CD53: variants seen among roughly 807,000 people sequenced by gnomAD.
CD53 encodes CD53 molecule.
CD53 carries 20 observed loss-of-function variants against 27.3 expected under a neutral mutation model. That is an observed-to-expected ratio of 0.73 (90% CI 0.52 to 1.07). The LOEUF is 1.07. Ranked by LOEUF, CD53 falls within the 50% of genes least tolerant of loss-of-function variation. The pLI is 0.00. For synonymous variants in CD53, 106 were observed against 105.3 expected (o/e 1.01, Z -0.04); for missense variants, 216 against 264.0 (o/e 0.82, Z 1.26).
intron 3 of CD53, chr1:110,892,787 T>C (rs555852675): frequency 1.2e-5 from 5 of 418,940 alleles, no homozygotes; most frequent in African/African-American, 4.1e-5. Flanking sequence ...TTTGTCATTA[T>C]TGTAATTCCC....
chr1:110,888,277 C>T (rs1042771782), intron 1 of CD53, among the ~76,000 whole-genome samples: 11 of 152,134 alleles, frequency 7.2e-5, no homozygotes, highest in Non-Finnish European at 5.9e-5. Context: ...TGCAAGCACC[C>T]GCTGCGAATC....
At chr1:110,885,737 G>A (rs4839578) in intron 1 of CD53, among the ~76,000 whole-genome samples, 1 of 151,354 alleles carries the variant, frequency 6.6e-6, no homozygotes, top group Non-Finnish European at 1.5e-5. Flanking sequence ...GGTGGTGCAT[G>A]CCTGTAATCC....
intron 1 of CD53, among the ~76,000 whole-genome samples, chr1:110,889,004 A>G (rs1222104743): frequency 6.6e-6 from 1 of 152,192 alleles, no homozygotes; most frequent in African/African-American, 2.4e-5. Context: ...GGGACTTGAC[A>G]TATTTTATCT....
At position 110,891,378 on chromosome 1, in the gene CD53, T is replaced by A; in HGVS notation, c.-17-14T>A. 6.3e-7 allele frequency: 1 copy of A among 1,579,472 alleles called. No homozygotes were observed. Among genetic ancestry groups the A allele is most frequent in the Non-Finnish European group, 8.7e-7 (1 of 1,148,392 alleles). On this transcript the variant is annotated splice_polypyrimidine_tract_variant and intron_variant, in intron 1 of 7. Transcript: ENST00000271324. ...AGAGTGAGGTAACTTACTTTCTTCT[T>A]CCTTATTCCTTAGGGCAAGAATATC...
In CD53 at chr1:110,897,843, C is replaced by T; in HGVS notation, c.539C>T (p.Ser180Phe). 6.2e-7 allele frequency: 1 copy of T among 1,612,376 alleles called. No homozygotes were observed. Among genetic ancestry groups the T allele is most frequent in the Non-Finnish European group, 8.5e-7 (1 of 1,178,692 alleles). The change falls in exon 7 of 8, where the codon TCC becomes TTC. Residue 180 changes from serine (S) to phenylalanine (F), a missense_variant. Coordinates refer to ENST00000271324, the MANE Select transcript of CD53 (RefSeq NM_000560.4). ...CYAKARLWFH[S>F]NFLYIGIITI... ...GCGAAAGCAAGACTGTGGTTTCATTCCAATTTCCTGTATATCGGAATCATC... is the reference window on the plus strand; with the variant it reads ...GCGAAAGCAAGACTGTGGTTTCATTTCAATTTCCTGTATATCGGAATCATC...
intron 1 of CD53, among the ~76,000 whole-genome samples, chr1:110,885,321 C>A (rs1389545769): frequency 6.6e-6 from 1 of 152,114 alleles, no homozygotes; most frequent in African/African-American, 2.4e-5. Context: ...GAGGCCGAGG[C>A]GGGCGGATCA....
intron 1 of CD53, among the ~76,000 whole-genome samples, chr1:110,887,826 G>C (rs997164249): frequency 3.3e-5 from 5 of 152,194 alleles, no homozygotes; most frequent in African/African-American, 1.2e-4. Flanking sequence ...TCAGGACTCA[G>C]CTAAATTCTT....
chr1:110,892,453 A>T lies in CD53; in HGVS notation c.172A>T (p.Ile58Phe), dbSNP rs1656892251. 5 of 1,614,098 alleles carry T rather than the reference A, an allele frequency of 3.1e-6. No homozygotes were observed. Among genetic ancestry groups the T allele is most frequent in the Non-Finnish European group, 3.4e-6 (4 of 1,180,006 alleles). Residue 58 changes from isoleucine (I) to phenylalanine (F), a missense_variant, in exon 3 of 8, where the codon ATC becomes TTC. Physicochemically the swap from Ile to Phe is conservative, Grantham distance 21. Transcript: ENST00000271324. ...PSLTLGNVFV[I>F]VGSIIMVVAF... The stretch of plus-strand genomic sequence containing the variant: ...CCTCACGCTGGGCAATGTGTTTGTC[A>T]TCGTGGGCTCTATTATCATGGTAGT...
rs1307152795 is a variant in CD53, at chr1:110,899,631, G to C, written c.*436G>C. ...GGGAGTTCTGGGGCCAGGCTCACTG[G>C]ACCATTGTCACAACCCTCTGTTTCT... On this transcript the variant is annotated 3_prime_UTR_variant, in exon 8 of 8. Coordinates refer to ENST00000271324, the MANE Select transcript of CD53 (RefSeq NM_000560.4). 2 of 168,246 alleles carry C rather than the reference G, an allele frequency of 1.2e-5. No homozygotes were observed. Among genetic ancestry groups the C allele is most frequent in the African/African-American group, 4.8e-5 (2 of 41,560 alleles). 10.4% of individuals were successfully genotyped at this position (168,246 alleles called of 1,614,324 possible).
intron 1 of CD53, among the ~76,000 whole-genome samples, chr1:110,883,087 CA>C (rs1156544864): frequency 6.6e-6 from 1 of 151,916 alleles, no homozygotes; most frequent in Non-Finnish European, 1.5e-5. Context: ...AACTCCAGTA[CA>C]ATGCCAAATA....
chr1:110,883,591 T>G (rs761722512), intron 1 of CD53, among the ~76,000 whole-genome samples: 2 of 152,004 alleles, frequency 1.3e-5, no homozygotes, highest in Non-Finnish European at 2.9e-5. Flanking sequence ...CCTCCTTTTC[T>G]ATTTTCTGGA....
intron 5 of CD53, 142 bp downstream of exon 5, chr1:110,895,197 A>C: frequency 1.5e-6 from 1 of 647,830 alleles, no homozygotes; most frequent in Non-Finnish European, 2.8e-6. Context: ...TGGCTATCAC[A>C]AACATGGGAG....
intron 1 of CD53, among the ~76,000 whole-genome samples, chr1:110,877,041 A>G (rs1418332611): frequency 6.6e-6 from 1 of 152,204 alleles, no homozygotes; most frequent in Non-Finnish European, 1.5e-5. Context: ...AATATAATTA[A>G]CAATCTATGT....
intron 3 of CD53, 78 bp from the exon 4 acceptor site, chr1:110,894,249 C>A: frequency 7.7e-7 from 1 of 1,291,280 alleles, no homozygotes; most frequent in South Asian, 1.2e-5. Context: ...GCAAATGCCC[C>A]TGGATGCTCC....
chr1:110,896,544 C>A, intron 5 of CD53, 109 bp from the exon 6 acceptor site: 1 of 976,390 alleles, frequency 1.0e-6, no homozygotes, highest in Non-Finnish European at 1.6e-6. Flanking sequence ...CAATTCTGGA[C>A]TTCTGCTATA....
At chr1:110,896,930 A>G (rs1046938700) in intron 6 of CD53, among the ~76,000 whole-genome samples, 197 bp downstream of exon 6, 1 of 152,238 alleles carries the variant, frequency 6.6e-6, no homozygotes, top group Non-Finnish European at 1.5e-5. Context: ...GACTAGAGAC[A>G]CTGTGATTGA....
chr1:110,892,656 C>T, intron 3 of CD53, 123 bp downstream of exon 3: 1 of 821,456 alleles, frequency 1.2e-6, no homozygotes, highest in African/African-American at 1.7e-5. Context: ...AGATTGGTAC[C>T]TCAGATCAGC....
At chr1:110,882,523 TC>T (rs1656398848) in intron 1 of CD53, among the ~76,000 whole-genome samples, 1 of 152,096 alleles carries the variant, frequency 6.6e-6, no homozygotes, top group East Asian at 1.9e-4. Flanking sequence ...CCAATTTTGT[TC>T]TTTATCAAAC....
intron 1 of CD53, among the ~76,000 whole-genome samples, chr1:110,886,839 T>G (rs937297125): frequency 4.1e-5 from 4 of 98,396 alleles, no homozygotes; most frequent in Non-Finnish European, 9.2e-5. Context: ...AGCGAGACTC[T>G]GTCTCCAATA....
Sources: gnomAD v4.1 joint callset for allele counts (sites outside exome capture counted in the v4.1 genomes callset) on GRCh38, gnomAD v4.1.1 for gene constraint, MANE v1.5 for transcripts, NCBI Gene and HGNC (gene_info 2026-07-23, HGNC 2026-07-21) for gene names.